The following CNTNAP5 variants were observed in gnomAD, a reference collection of about 807,000 sequenced individuals.
The protein encoded by CNTNAP5 is contactin associated protein family member 5.
A neutral mutation model predicts 150.2 loss-of-function variants in CNTNAP5; 72 were observed. The observed-to-expected ratio is 0.48, with a 90% CI of 0.40 to 0.58. The LOEUF (loss-of-function observed/expected upper bound fraction) is 0.58. Ranked by LOEUF, CNTNAP5 falls within the 20% of genes least tolerant of loss-of-function variation. The pLI, the probability that CNTNAP5 is intolerant of heterozygous loss-of-function variation, is 0.00. For synonymous variants in CNTNAP5, 672 were observed against 619.8 expected (o/e 1.08, Z -1.25); for missense variants, 1,636 against 1,626.2 (o/e 1.01, Z -0.10).
intron 17 of CNTNAP5, among the ~76,000 whole-genome samples, chr2:124,780,124 A>G (rs1384421642): frequency 2.6e-5 from 4 of 152,318 alleles, no homozygotes; most frequent in African/African-American, 9.6e-5. Flanking sequence ...CAGTTATTCC[A>G]TCTGCCCACT....
At chr2:124,323,235 G>T (rs764724617) in intron 3 of CNTNAP5, among the ~76,000 whole-genome samples, 48 of 152,292 alleles carry the variant, frequency 3.2e-4, no homozygotes, top group Non-Finnish European at 6.5e-4. Flanking sequence ...AAGTTCTCAT[G>T]CAACTCAGAA....
chr2:124,268,339 C>T (rs903938524), intron 3 of CNTNAP5, among the ~76,000 whole-genome samples: 10 of 152,102 alleles, frequency 6.6e-5, no homozygotes, highest in African/African-American at 2.4e-4. Context: ...TTTGTATAAG[C>T]TCTGTGTTGT....
At chr2:124,297,325 C>G (rs1291389219) in intron 3 of CNTNAP5, among the ~76,000 whole-genome samples, 3 of 152,190 alleles carry the variant, frequency 2.0e-5, no homozygotes, top group Non-Finnish European at 2.9e-5. Context: ...CGCAGCACCC[C>G]CTCCCTGAGC....
chr2:124,389,333 G>GT (rs1192246011), intron 3 of CNTNAP5, among the ~76,000 whole-genome samples: 5 of 152,084 alleles, frequency 3.3e-5, no homozygotes, highest in Admixed American at 2.0e-4. Context: ...AAAATATTCA[G>GT]TTTTTTTAAA....
chr2:124,045,061 A>G (rs1197512480), intron 1 of CNTNAP5, among the ~76,000 whole-genome samples: 1 of 152,146 alleles, frequency 6.6e-6, no homozygotes, highest in Admixed American at 6.5e-5. Flanking sequence ...GAAACTTTCA[A>G]ATAAAACATG....
chr2:124,241,416 G>A (rs766494154), intron 2 of CNTNAP5, among the ~76,000 whole-genome samples: 1 of 151,828 alleles, frequency 6.6e-6, no homozygotes, highest in Admixed American at 6.6e-5. Context: ...AATCTCCATC[G>A]AACTTTCCAC....
intron 12 of CNTNAP5, among the ~76,000 whole-genome samples, chr2:124,632,814 A>G (rs945513491): frequency 6.6e-6 from 1 of 152,162 alleles, no homozygotes; most frequent in African/African-American, 2.4e-5. Context: ...TACAGGGAGC[A>G]TGATGCTTCT....
At chr2:124,471,211 T>C (rs1693505881) in intron 6 of CNTNAP5, among the ~76,000 whole-genome samples, 1 of 152,194 alleles carries the variant, frequency 6.6e-6, no homozygotes, top group Non-Finnish European at 1.5e-5. Context: ...GAACATGGAA[T>C]GTTTTTCCAT....
At chr2:124,470,624 C>A (rs535281556) in intron 6 of CNTNAP5, among the ~76,000 whole-genome samples, 2 of 151,882 alleles carry the variant, frequency 1.3e-5, no homozygotes, top group East Asian at 3.9e-4. Flanking sequence ...TTGGCATCTT[C>A]GTTATGAAAT....
At chr2:124,847,038 C>G (rs1220696194) in intron 19 of CNTNAP5, among the ~76,000 whole-genome samples, 1 of 152,146 alleles carries the variant, frequency 6.6e-6, no homozygotes, top group African/African-American at 2.4e-5. Context: ...GTGCTGGTTG[C>G]ATGTTGGTTG....
Position 124,043,826 on chromosome 2 carries a change from C to G in CNTNAP5, c.82+18094C>G, listed in dbSNP as rs150319782. On this transcript the variant is annotated intron_variant, in intron 1 of 23. Coordinates refer to ENST00000682447, the MANE Select transcript of CNTNAP5 (RefSeq NM_001367498.1). ...CTACTTTCTCTCACTCACTCTTTCA[C>G]TTACTTGGCCCTCAACTAATGTAAA... 2.8e-3 allele frequency among the ~76,000 whole-genome samples: 426 copies of G among 152,326 alleles called. 2 individuals carry two copies. The highest frequency in any genetic ancestry group is 9.8e-3 in the African/African-American group (408 of 41,588).
At position 124,763,989 on chromosome 2, in the gene CNTNAP5, A is replaced by T; in HGVS notation, c.2375A>T (p.Asn792Ile). 1 of 1,611,088 alleles carries T rather than the reference A, an allele frequency of 6.2e-7. No individual in the cohort carries two copies. Among genetic ancestry groups the T allele is most frequent in the Non-Finnish European group, 8.5e-7 (1 of 1,178,652 alleles). ...TTCTCATTTGCAGGACGCTTCTGGA[A>T]CGCCGTCTCATTTTATACAGAAGCC... Reference protein sequence around the residue: ...LRCYGDRRFWNAVSFYTEASY... With the variant: ...LRCYGDRRFWIAVSFYTEASY... Residue 792 changes from asparagine (N) to isoleucine (I), a missense_variant, in exon 16 of 24, where the codon AAC becomes ATC. Physicochemically the swap from Asn to Ile is moderately radical, Grantham distance 149. Transcript: ENST00000682447.
intron 19 of CNTNAP5, among the ~76,000 whole-genome samples, chr2:124,827,557 C>G (rs1238123885): frequency 6.6e-6 from 1 of 152,188 alleles, no homozygotes; most frequent in Non-Finnish European, 1.5e-5. Flanking sequence ...ACATGACAGA[C>G]AGCAGCGCCT....
chr2:124,328,733 T>C (rs371571897), intron 3 of CNTNAP5, among the ~76,000 whole-genome samples: 22 of 152,206 alleles, frequency 1.4e-4, no homozygotes, highest in African/African-American at 4.8e-4. Flanking sequence ...TTAACAGATA[T>C]ACAAAAGAAA....
intron 17 of CNTNAP5, among the ~76,000 whole-genome samples, chr2:124,778,885 G>A (rs1307640331): frequency 6.6e-6 from 1 of 152,164 alleles, no homozygotes; most frequent in Non-Finnish European, 1.5e-5. Flanking sequence ...TGGAAGAAAG[G>A]GATGTGGATT....
At chr2:124,570,497 A>C (rs922951048) in intron 11 of CNTNAP5, among the ~76,000 whole-genome samples, 4 of 152,216 alleles carry the variant, frequency 2.6e-5, no homozygotes. Flanking sequence ...TAGAAAAGGC[A>C]GACAATGAAT....
chr2:124,675,666 C>A (rs1276127883), intron 13 of CNTNAP5, among the ~76,000 whole-genome samples: 1 of 152,126 alleles, frequency 6.6e-6, no homozygotes, highest in African/African-American at 2.4e-5. Flanking sequence ...ATATTCATTA[C>A]AATGCAATTT....
At chr2:124,100,379 A>G (rs1393010850) in intron 1 of CNTNAP5, among the ~76,000 whole-genome samples, 1 of 152,202 alleles carries the variant, frequency 6.6e-6, no homozygotes, top group Non-Finnish European at 1.5e-5. Flanking sequence ...TATACAAACT[A>G]TATCACAAAC....
At chr2:124,830,486 C>A (rs1006174240) in intron 19 of CNTNAP5, among the ~76,000 whole-genome samples, 3 of 151,950 alleles carry the variant, frequency 2.0e-5, no homozygotes, top group African/African-American at 7.2e-5. Context: ...ACTGTCAAAT[C>A]TGATGAAAAG....
Sources: gnomAD v4.1 joint callset for allele counts (sites outside exome capture counted in the v4.1 genomes callset) on GRCh38, gnomAD v4.1.1 for gene constraint, MANE v1.5 for transcripts, NCBI Gene and HGNC (gene_info 2026-07-23, HGNC 2026-07-21) for gene names.